CNTNAP2: variants seen among roughly 807,000 people sequenced by gnomAD.
CNTNAP2 encodes the protein contactin associated protein 2.
Under a neutral mutation model 155.2 loss-of-function variants are expected in CNTNAP2, and 98 were observed. The ratio of observed to expected loss-of-function variants is 0.63; its 90% CI spans 0.54 to 0.75. CNTNAP2 has a LOEUF of 0.75. Ranked by LOEUF, CNTNAP2 falls within the 30% of genes least tolerant of loss-of-function variation. CNTNAP2 has a pLI of 0.00. For missense variants in CNTNAP2, 1,727 were observed against 1,688.1 expected, an observed-to-expected ratio of 1.02 and a Z score of -0.40; for synonymous variants, 651 against 631.2, an observed-to-expected ratio of 1.03 and a Z score of -0.47.
chr7:147,659,416 C>T (rs997348918), intron 13 of CNTNAP2, among the ~76,000 whole-genome samples: 1 of 152,166 alleles, frequency 6.6e-6, no homozygotes, highest in Non-Finnish European at 1.5e-5. Context: ...TCAGCAGAAA[C>T]GTCTTACGAC....
chr7:146,855,828 T>C (rs1585124080), intron 3 of CNTNAP2, among the ~76,000 whole-genome samples: 1 of 60,652 alleles, frequency 1.6e-5, no homozygotes, highest in Non-Finnish European at 3.9e-5. Flanking sequence ...TATATATATA[T>C]ATATATATAT....
intron 8 of CNTNAP2, among the ~76,000 whole-genome samples, chr7:147,222,001 C>A (rs1803412705): frequency 6.6e-6 from 1 of 152,164 alleles, no homozygotes; most frequent in Non-Finnish European, 1.5e-5. Flanking sequence ...CCCACCCCCT[C>A]TCTGGCTTCT....
chr7:148,398,626 T>C (rs896857072), intron 22 of CNTNAP2, among the ~76,000 whole-genome samples: 3 of 152,180 alleles, frequency 2.0e-5, no homozygotes, highest in Non-Finnish European at 4.4e-5. Flanking sequence ...TAAAATAACA[T>C]GCGCCTAAGT....
At chr7:146,798,885 C>T (rs1585095693) in intron 2 of CNTNAP2, among the ~76,000 whole-genome samples, 1 of 152,118 alleles carries the variant, frequency 6.6e-6, no homozygotes, top group African/African-American at 2.4e-5. Context: ...CCAACCTGTT[C>T]TAGCCATTTT....
chr7:147,983,681 T>A (rs1383907320), intron 15 of CNTNAP2, among the ~76,000 whole-genome samples: 3 of 152,178 alleles, frequency 2.0e-5, no homozygotes, highest in African/African-American at 4.8e-5. Context: ...TTACAAGTCA[T>A]AGGTGGATTT....
At chr7:148,170,502 A>G (rs1354068796) in intron 17 of CNTNAP2, among the ~76,000 whole-genome samples, 1 of 152,218 alleles carries the variant, frequency 6.6e-6, no homozygotes, top group African/African-American at 2.4e-5. Context: ...CAGAATGGGA[A>G]ATCCTTCAAA....
At chr7:147,897,939 C>T (rs1799801954) in intron 13 of CNTNAP2, among the ~76,000 whole-genome samples, 1 of 152,164 alleles carries the variant, frequency 6.6e-6, no homozygotes. Context: ...CATGCTGGGA[C>T]CAGGCACAGG....
intron 16 of CNTNAP2, among the ~76,000 whole-genome samples, chr7:148,130,913 C>T (rs949013360): frequency 3.9e-5 from 6 of 152,010 alleles, no homozygotes; most frequent in African/African-American, 1.2e-4. Context: ...AGGTGCATTG[C>T]CTGGAAAGTA....
chr7:147,062,943 T>C (rs1156249730), intron 4 of CNTNAP2, among the ~76,000 whole-genome samples: 1 of 152,224 alleles, frequency 6.6e-6, no homozygotes, highest in Non-Finnish European at 1.5e-5. Flanking sequence ...TAATTGATAC[T>C]ACTCAGAAAA....
chr7:147,163,089 A>C (rs1173454004), intron 8 of CNTNAP2, among the ~76,000 whole-genome samples: 1 of 152,192 alleles, frequency 6.6e-6, no homozygotes, highest in Non-Finnish European at 1.5e-5. Context: ...AGGGAAATGA[A>C]ATTCAGGCTG....
At chr7:147,100,207 T>TGAGG (rs1171729415) in intron 4 of CNTNAP2, among the ~76,000 whole-genome samples, 1 of 152,158 alleles carries the variant, frequency 6.6e-6, no homozygotes, top group African/African-American at 2.4e-5. Context: ...TTTTTGTCTC[T>TGAGG]TCACGTTGAA....
chr7:146,877,944 A>T (rs1668755445), intron 3 of CNTNAP2, among the ~76,000 whole-genome samples: 1 of 152,150 alleles, frequency 6.6e-6, no homozygotes, highest in Admixed American at 6.6e-5. Flanking sequence ...TTGTTTTAAG[A>T]TAGTCCTAAG....
chr7:146,692,848 A>G (rs927335541), intron 1 of CNTNAP2, among the ~76,000 whole-genome samples: 3 of 152,128 alleles, frequency 2.0e-5, no homozygotes, highest in African/African-American at 7.2e-5. Flanking sequence ...GAATATTAAT[A>G]CTACTGATGC....
In CNTNAP2 at chr7:148,032,778, A is replaced by C. The variant is rs551547699; in HGVS notation, c.2383+54789A>C. 4.6e-5 allele frequency among the ~76,000 whole-genome samples: 7 copies of C among 152,300 alleles called. No individual in the cohort carries two copies. The South Asian group carries it at 1.5e-3, about 32-fold the overall frequency. Reference sequence around the variant, plus strand: ...CCTGCTGACGCGAAGGCTGCTTGCCAGTTTTAGGGGTTTTCTATGTTGATG... The same window carrying C: ...CCTGCTGACGCGAAGGCTGCTTGCCCGTTTTAGGGGTTTTCTATGTTGATG... On this transcript the variant is annotated intron_variant, in intron 15 of 23. Coordinates refer to ENST00000361727, the MANE Select transcript of CNTNAP2 (RefSeq NM_014141.6).
chr7:148,152,898 G>A (rs1462832174), intron 17 of CNTNAP2, among the ~76,000 whole-genome samples: 2 of 151,796 alleles, frequency 1.3e-5, no homozygotes, highest in East Asian at 1.9e-4. Flanking sequence ...GCAGGCGCCT[G>A]TAGTCCCAGC....
At position 147,494,433 on chromosome 7, in the gene CNTNAP2, A is replaced by C. The variant is rs373077286; in HGVS notation, c.1777+8392A>C. Among the ~76,000 whole-genome samples the C allele has an allele frequency of 5.3e-4, 79 of 147,886 alleles. 1 individual carries two copies. Among genetic ancestry groups the C allele is most frequent in the African/African-American group, 1.9e-3 (77 of 39,554 alleles). On this transcript the variant is annotated intron_variant, in intron 11 of 23. Coordinates refer to ENST00000361727, the MANE Select transcript of CNTNAP2 (RefSeq NM_014141.6). Reference sequence around the variant, plus strand: ...TCAATTTTGCAAAGACTCTTTCAATAGTTTCAAAAATATGTCTTTCTCTTT... The same window carrying C: ...TCAATTTTGCAAAGACTCTTTCAATCGTTTCAAAAATATGTCTTTCTCTTT...
chr7:146,151,714 G>GTATATATATATATATGTA (rs548721179), intron 1 of CNTNAP2, among the ~76,000 whole-genome samples: 13 of 72,424 alleles, frequency 1.8e-4, no homozygotes, highest in African/African-American at 6.3e-4. Flanking sequence ...ATATATATAT[G>GTATATATATATATATGTA]TATATATATA....
intron 15 of CNTNAP2, among the ~76,000 whole-genome samples, chr7:148,057,489 A>G (rs1803042032): frequency 6.6e-6 from 1 of 152,194 alleles, no homozygotes; most frequent in Non-Finnish European, 1.5e-5. Flanking sequence ...GTAGTAATAC[A>G]CACCCCTTTT....
chr7:146,498,995 T>G (rs77331367), intron 1 of CNTNAP2, among the ~76,000 whole-genome samples: 13,122 of 152,186 alleles, frequency 0.086, 1,516 homozygotes, highest in African/African-American at 0.26. Flanking sequence ...CTTACCTGTT[T>G]CAAAGCAAGT....
Sources: allele counts gnomAD v4.1 joint callset (sites outside exome capture counted in the v4.1 genomes callset), GRCh38; gene constraint gnomAD v4.1.1; transcripts MANE v1.5; gene names NCBI Gene and HGNC (gene_info 2026-07-23, HGNC 2026-07-21).